ABCB7: variants seen among roughly 807,000 people sequenced by gnomAD.
The protein encoded by ABCB7 is iron-sulfur clusters transporter ABCB7, mitochondrial.
A neutral mutation model predicts 54.4 loss-of-function variants in ABCB7; 7 were observed. The observed-to-expected ratio is 0.13, with a 90% CI of 0.07 to 0.24. The LOEUF (loss-of-function observed/expected upper bound fraction) is 0.24. Ranked by LOEUF, ABCB7 falls within the 10% of genes least tolerant of loss-of-function variation. The pLI is 1.00. For synonymous variants in ABCB7, 218 were observed against 207.1 expected, an observed-to-expected ratio of 1.05 and a Z score of -0.45; for missense variants, 356 against 570.4, an observed-to-expected ratio of 0.62 and a Z score of 3.83.
intron 4 of ABCB7, among the ~76,000 whole-genome samples, chrX:75,090,213 A>G (rs1337126833): frequency 9.1e-6 from 1 of 110,265 alleles, no homozygotes; most frequent in Non-Finnish European, 1.9e-5. Flanking sequence ...ATTCTTTTCA[A>G]ATTTGCACAG....
At chrX:75,054,145 T>C (rs1352447608) in intron 15 of ABCB7, among the ~76,000 whole-genome samples, 1 of 112,324 alleles carries the variant, frequency 8.9e-6, no homozygotes, top group Non-Finnish European at 1.9e-5. Context: ...CAAACTCTCA[T>C]CTACAATTAA....
At chrX:75,077,656 GT>G (rs1240946417) in intron 4 of ABCB7, among the ~76,000 whole-genome samples, 22 of 111,767 alleles carry the variant, frequency 2.0e-4, no homozygotes, top group African/African-American at 6.8e-4. Context: ...TAGAAGCTAT[GT>G]AACTCTTATC....
At chrX:75,147,367 T>C (rs1338469046) in intron 1 of ABCB7, among the ~76,000 whole-genome samples, 3 of 111,841 alleles carry the variant, frequency 2.7e-5, no homozygotes, top group Non-Finnish European at 5.6e-5. Flanking sequence ...GACACATGCA[T>C]GCGTATGTTC....
intron 8 of ABCB7, among the ~76,000 whole-genome samples, chrX:75,072,808 CTT>C (rs1184580585): frequency 9.0e-6 from 1 of 111,722 alleles, no homozygotes; most frequent in African/African-American, 3.3e-5. Flanking sequence ...ACTTTACAAA[CTT>C]AAATTTTTAA....
chrX:75,070,662 A>G, intron 9 of ABCB7, 140 bp from the exon 10 acceptor site: 2 of 624,901 alleles, frequency 3.2e-6, no homozygotes, highest in Admixed American at 5.4e-5. Flanking sequence ...ATTTCAAAGC[A>G]TTAATCCACG....
At chrX:75,152,030 T>TA (rs757252161) in intron 1 of ABCB7, among the ~76,000 whole-genome samples, 2 of 112,021 alleles carry the variant, frequency 1.8e-5, no homozygotes, top group Non-Finnish European at 3.8e-5. Context: ...GAAATCAAGA[T>TA]AGACTGTCAC....
chrX:75,105,765 AG>A (rs1415987494), intron 3 of ABCB7, among the ~76,000 whole-genome samples: 1 of 112,103 alleles, frequency 8.9e-6, no homozygotes, highest in Non-Finnish European at 1.9e-5. Flanking sequence ...TTATACTACA[AG>A]GCTACAATAA....
intron 4 of ABCB7, among the ~76,000 whole-genome samples, chrX:75,084,060 T>C (rs767282903): frequency 9.0e-6 from 1 of 110,707 alleles, no homozygotes; most frequent in African/African-American, 3.3e-5. Flanking sequence ...GAGTCAGAGA[T>C]AGATTGAACA....
rs1225450624 is a variant in ABCB7, at chrX:75,142,815, T to TC, written c.168+13289dup. Among the ~76,000 whole-genome samples the TC allele has an allele frequency of 6.4e-4, 72 of 112,407 alleles. 5 individuals are homozygous for TC. Among genetic ancestry groups the TC allele is most frequent in the Non-Finnish European group, 3.8e-5 (2 of 53,288 alleles). On this transcript the variant is annotated intron_variant, in intron 1 of 15. Coordinates refer to ENST00000373394, the MANE Select transcript of ABCB7 (RefSeq NM_001271696.3). ...CTGTTTTCTCCTTCAAACTGTGAAT[T>TC]CCTGGAGGGCAAGGCTGTTTCTTAT...
At chrX:75,145,660 C>A (rs2082085452) in intron 1 of ABCB7, among the ~76,000 whole-genome samples, 1 of 111,954 alleles carries the variant, frequency 8.9e-6, no homozygotes. Context: ...TGGAAGCATT[C>A]CCCTGACAAC....
intron 12 of ABCB7, among the ~76,000 whole-genome samples, chrX:75,065,867 C>T (rs972481256): frequency 3.6e-5 from 4 of 111,235 alleles, no homozygotes; most frequent in Non-Finnish European, 3.8e-5. Context: ...TAAGTACACG[C>T]TAACCAATAG....
At chrX:75,128,949 G>A (rs1409333221) in intron 1 of ABCB7, among the ~76,000 whole-genome samples, 1 of 112,036 alleles carries the variant, frequency 8.9e-6, no homozygotes, top group Non-Finnish European at 1.9e-5. Flanking sequence ...GGAAAGAACA[G>A]ATGCTGGAGA....
At chrX:75,055,609 C>T (rs1217398174) in intron 15 of ABCB7, among the ~76,000 whole-genome samples, 1 of 84,381 alleles carries the variant, frequency 1.2e-5, no homozygotes, top group African/African-American at 4.3e-5. Context: ...AAAAACTGAA[C>T]AGTGATACGA....
chrX:75,111,069 G>T lies in ABCB7; in HGVS notation c.333+1817C>A, dbSNP rs368930669. On this transcript the variant is annotated intron_variant, in intron 3 of 15. Transcript: ENST00000373394. The stretch of plus-strand genomic sequence containing the variant: ...GGCCCAGGAGTTCGAGAGCAGCTTG[G>T]GCAACACAGAGAGATCCCTTCTCTA... Among the ~76,000 whole-genome samples, 10 of 111,200 alleles carry T rather than the reference G, an allele frequency of 9.0e-5. 1 individual carries two copies. Among genetic ancestry groups the T allele is most frequent in the Admixed American group, 2.9e-4 (3 of 10,450 alleles).
intron 15 of ABCB7, among the ~76,000 whole-genome samples, chrX:75,054,959 CCT>C (rs1332654193): frequency 9.0e-6 from 1 of 111,364 alleles, no homozygotes; most frequent in South Asian, 3.8e-4. Context: ...AATTTCCTCC[CCT>C]GTTTCTGGCC....
chrX:75,127,606 G>T (rs1361593377), intron 1 of ABCB7, among the ~76,000 whole-genome samples: 1 of 111,684 alleles, frequency 9.0e-6, no homozygotes, highest in Non-Finnish European at 1.9e-5. Flanking sequence ...AATAGGAAGA[G>T]AGGTAGTCAA....
chrX:75,081,274 A>C, intron 4 of ABCB7, among the ~76,000 whole-genome samples: 1 of 112,286 alleles, frequency 8.9e-6, no homozygotes, highest in Non-Finnish European at 1.9e-5. Flanking sequence ...AAGATTTCGG[A>C]GTAGCCATCA....
In ABCB7 at chrX:75,052,463, T is replaced by C. The variant is rs1169244355; in HGVS notation, c.*907A>G. ...GCCTGGGAGAAAGAGCGAGACTCCG[T>C]CTCAAAAAAAAAAAAAAAAAAATTC... On this transcript the variant is annotated 3_prime_UTR_variant, in exon 16 of 16. Coordinates refer to ENST00000373394, the MANE Select transcript of ABCB7 (RefSeq NM_001271696.3). The C allele has an allele frequency of 1.4e-5, 1 of 71,258 alleles. No individual in the cohort carries two copies. The highest frequency in any genetic ancestry group is 2.2e-5 in the Non-Finnish European group (1 of 46,275). The allele number at this position is 71,258 out of a possible 1,213,427, so 5.9% of individuals were successfully genotyped here. A position where few individuals can be genotyped will look rare whatever the true frequency, so the allele number is the denominator to read the frequency against.
At chrX:75,112,839 C>G in intron 3 of ABCB7, 47 bp downstream of exon 3, 10 of 1,009,321 alleles carry the variant, frequency 9.9e-6, no homozygotes, top group Non-Finnish European at 1.4e-5. Context: ...ATCTTCTGTG[C>G]AAGGACAATC....
Sources: gnomAD v4.1 joint callset for allele counts (sites outside exome capture counted in the v4.1 genomes callset) on GRCh38, gnomAD v4.1.1 for gene constraint, MANE v1.5 for transcripts, NCBI Gene and HGNC (gene_info 2026-07-23, HGNC 2026-07-21) for gene names.